NMS: variants seen among roughly 807,000 people sequenced by gnomAD.
The protein encoded by NMS is neuromedin-S.
In NMS, 30 loss-of-function variants were observed where a neutral mutation model predicts 32.2. The ratio of observed to expected loss-of-function variants is 0.93; its 90% confidence interval spans 0.70 to 1.26. The LOEUF (loss-of-function observed/expected upper bound fraction) is 1.26. Among genes scored for constraint, NMS ranks in the 50% most tolerant of loss-of-function variants. NMS has a pLI of 0.00. For synonymous variants in NMS, 76 were observed against 58.5 expected, an observed-to-expected ratio of 1.30 and a Z score of -1.37; for missense variants, 190 against 186.3, an observed-to-expected ratio of 1.02 and a Z score of -0.12.
At chr2:100,475,456 G>A (rs539401559) in intron 3 of NMS, among the ~76,000 whole-genome samples, 157 of 152,088 alleles carry the variant, frequency 1.0e-3, no homozygotes, top group Non-Finnish European at 1.7e-3. Flanking sequence ...TTCATGTTTC[G>A]TGTTTCTGGT....
intron 2 of NMS, 89 bp downstream of exon 2, chr2:100,472,939 G>T (rs975107796): frequency 3.9e-5 from 35 of 892,672 alleles, no homozygotes; most frequent in Middle Eastern, 2.3e-4. Context: ...ACTATTTTGA[G>T]ATCAGATTTT....
intron 1 of NMS, among the ~76,000 whole-genome samples, chr2:100,471,853 C>G (rs929756278): frequency 6.6e-6 from 1 of 152,202 alleles, no homozygotes; most frequent in Non-Finnish European, 1.5e-5. Flanking sequence ...ATATCTCTTA[C>G]TTATTGAAGT....
At chr2:100,476,031 A>G (rs1487144194) in intron 3 of NMS, among the ~76,000 whole-genome samples, 2 of 151,952 alleles carry the variant, frequency 1.3e-5, no homozygotes, top group Admixed American at 6.6e-5. Context: ...AGAAAAGAAA[A>G]AAGTAAAGTA....
chr2:100,472,991 C>T, intron 2 of NMS, 141 bp downstream of exon 2: 1 of 539,828 alleles, frequency 1.9e-6, no homozygotes, highest in Non-Finnish European at 3.3e-6. Context: ...TTCATGGCCT[C>T]ATTTAAGGCA....
At position 100,472,931 on chromosome 2, in the gene NMS, T is replaced by A. The variant is rs939385403; in HGVS notation, c.132+81T>A. ...CATGTGTATAATGTTCACTTAAAAC[T>A]ATTTTGAGATCAGATTTTTGGCTGC... is the stretch of plus-strand genomic sequence containing the variant. On this transcript the variant is annotated intron_variant, in intron 2 of 9. Coordinates refer to ENST00000376865, the MANE Select transcript of NMS (RefSeq NM_001011717.1). 9 of 926,482 alleles carry A rather than the reference T, an allele frequency of 9.7e-6. No homozygotes were observed. In the African/African-American group the frequency reaches 1.5e-4, roughly 15 times the overall value. The allele number at this position is 926,482 out of a possible 1,614,324, so 57.4% of individuals were successfully genotyped here.
intron 5 of NMS, 131 bp from the exon 6 acceptor site, chr2:100,479,222 G>T: frequency 1.7e-6 from 1 of 599,116 alleles, no homozygotes; most frequent in Non-Finnish European, 2.8e-6. Context: ...CTCAAAAATG[G>T]GTTTTACTCT....
intron 3 of NMS, among the ~76,000 whole-genome samples, chr2:100,475,722 G>A (rs113943655): frequency 0.038 from 5,740 of 152,170 alleles, 353 homozygotes; most frequent in African/African-American, 0.13. Flanking sequence ...AAAGTAGGCC[G>A]GGTGTGGTGG....
intron 5 of NMS, among the ~76,000 whole-genome samples, chr2:100,478,462 TTTTG>T (rs1162143522): frequency 2.0e-5 from 3 of 152,096 alleles, no homozygotes; most frequent in Admixed American, 6.5e-5. Context: ...GGGGGAATTT[TTTTG>T]TTTGTTTGTT....
At chr2:100,482,155 G>A (rs1266633960) in intron 8 of NMS, 122 bp from the exon 9 acceptor site, 2 of 933,788 alleles carry the variant, frequency 2.1e-6, no homozygotes, top group Admixed American at 1.8e-5. Flanking sequence ...CCCCATGGAG[G>A]GGAGTGAAGT....
At chr2:100,478,466 G>C (rs868578467) in intron 5 of NMS, among the ~76,000 whole-genome samples, 1 of 151,930 alleles carries the variant, frequency 6.6e-6, no homozygotes, top group Non-Finnish European at 1.5e-5. Flanking sequence ...GAATTTTTTT[G>C]TTTGTTTGTT....
chr2:100,481,279 A>C, intron 8 of NMS, 112 bp downstream of exon 8: 1 of 969,028 alleles, frequency 1.0e-6, no homozygotes, highest in Non-Finnish European at 1.7e-6. Flanking sequence ...CTGGTGGATA[A>C]TTGTGGAGAC....
intron 8 of NMS, 141 bp downstream of exon 8, chr2:100,481,308 G>A (rs1677211301): frequency 2.4e-6 from 2 of 823,390 alleles, no homozygotes; most frequent in Admixed American, 3.8e-5. Flanking sequence ...CCTTCACTGG[G>A]AATCACTCCA....
chr2:100,473,438 C>T (rs774729473), intron 2 of NMS, 51 bp from the exon 3 acceptor site: 2 of 1,083,642 alleles, frequency 1.8e-6, no homozygotes, highest in South Asian at 1.9e-5. Context: ...ATCAATCTCT[C>T]TCTTCATCCC....
rs1677168387 is a variant in NMS, at chr2:100,479,176, G to A, written c.262-177G>A. Among the ~76,000 whole-genome samples, 5 of 152,170 alleles carry A rather than the reference G, an allele frequency of 3.3e-5. No individual in the cohort carries two copies. In the South Asian group the frequency reaches 1.0e-3, roughly 32 times the overall value. On this transcript the variant is annotated intron_variant, in intron 5 of 9. Transcript: ENST00000376865. ...ATTGAAACCTGTTCTCACGGCAAGC[G>A]GCTCTTTATTGAAAACATAAAATTT...
chr2:100,472,696 A>G (rs1317486756), intron 1 of NMS, 99 bp from the exon 2 acceptor site: 1 of 734,190 alleles, frequency 1.4e-6, no homozygotes, highest in African/African-American at 1.8e-5. Context: ...TTGGTGGTTT[A>G]TTATTTTAAC....
chr2:100,476,007 AAAAAGAAAAG>A (rs942484068), intron 3 of NMS, among the ~76,000 whole-genome samples: 6 of 151,916 alleles, frequency 3.9e-5, no homozygotes, highest in South Asian at 4.2e-4. Context: ...TCCAAAAAAA[AAAAAGAAAAG>A]AAAAGAAAAG....
At chr2:100,473,424 A>T in intron 2 of NMS, 65 bp from the exon 3 acceptor site, 1 of 861,382 alleles carries the variant, frequency 1.2e-6, no homozygotes, top group Non-Finnish European at 1.8e-6. Context: ...TTGATTACCC[A>T]TTAATCAATC....
intron 5 of NMS, among the ~76,000 whole-genome samples, chr2:100,477,813 ATCT>A (rs1203443047): frequency 6.6e-6 from 1 of 152,180 alleles, no homozygotes; most frequent in Non-Finnish European, 1.5e-5. Flanking sequence ...ATGGATGAAC[ATCT>A]TCCGTGGCTG....
chr2:100,473,540 G>T lies in NMS; in HGVS notation c.183+1G>T, dbSNP rs775278370. 1 of 1,330,778 alleles carries T rather than the reference G, an allele frequency of 7.5e-7. No individual in the cohort carries two copies. Among genetic ancestry groups the T allele is most frequent in the Non-Finnish European group, 1.0e-6 (1 of 983,882 alleles). The allele number at this position is 1,330,778 out of a possible 1,614,324, so 82.4% of individuals were successfully genotyped here. On this transcript the variant is annotated splice_donor_variant, in intron 3 of 9. Coordinates refer to ENST00000376865, the MANE Select transcript of NMS (RefSeq NM_001011717.1). LOFTEE classifies it high-confidence loss of function. ...GGCACCTCTTTCTCGCCAACCTAAG[G>T]TAAAAAAATGTGTATATATATAATA... is the stretch of plus-strand genomic sequence containing the variant.
Sources: gnomAD v4.1 joint callset for allele counts (sites outside exome capture counted in the v4.1 genomes callset) on GRCh38, gnomAD v4.1.1 for gene constraint, MANE v1.5 for transcripts, NCBI Gene and HGNC (gene_info 2026-07-23, HGNC 2026-07-21) for gene names.